Variants in SLC35F3 observed in about 807,000 individuals in gnomAD.
SLC35F3 encodes putative thiamine transporter SLC35F3.
Under a neutral mutation model 49.9 loss-of-function variants are expected in SLC35F3, and 25 were observed. That is an observed-to-expected ratio of 0.50 (90% CI 0.37 to 0.70). The LOEUF is 0.70. SLC35F3 is among the 30% of genes least tolerant of loss of function. The pLI, the probability that SLC35F3 is intolerant of heterozygous loss-of-function variation, is 0.00. For synonymous variants in SLC35F3, 275 were observed against 265.4 expected (o/e 1.04, Z -0.35); for missense variants, 525 against 639.8 (o/e 0.82, Z 1.94).
intron 2 of SLC35F3, among the ~76,000 whole-genome samples, chr1:234,167,910 TG>T (rs1005163882): frequency 6.6e-6 from 1 of 152,234 alleles, no homozygotes; most frequent in African/African-American, 2.4e-5. Flanking sequence ...GCGCACTTTC[TG>T]GAATAAGCGA....
At chr1:234,281,394 G>T (rs1474157308) in intron 3 of SLC35F3, among the ~76,000 whole-genome samples, 1 of 152,164 alleles carries the variant, frequency 6.6e-6, no homozygotes, top group Non-Finnish European at 1.5e-5. Context: ...TAAGCCCCCA[G>T]TCTGTGGTGC....
intron 2 of SLC35F3, among the ~76,000 whole-genome samples, chr1:234,229,927 T>C (rs760258724): frequency 8.5e-5 from 13 of 152,176 alleles, no homozygotes; most frequent in South Asian, 2.1e-4. Flanking sequence ...AGGCTGGAAA[T>C]CAATCTTCCT....
intron 2 of SLC35F3, among the ~76,000 whole-genome samples, chr1:233,950,693 G>A (rs1662592360): frequency 6.6e-6 from 1 of 151,878 alleles, no homozygotes; most frequent in Non-Finnish European, 1.5e-5. Flanking sequence ...GAGAGACTAG[G>A]AAAAAAATCT....
At chr1:234,262,694 G>GCTGCAA (rs1228281992) in intron 3 of SLC35F3, among the ~76,000 whole-genome samples, 1 of 152,182 alleles carries the variant, frequency 6.6e-6, no homozygotes, top group African/African-American at 2.4e-5. Context: ...TAAGCTGCAA[G>GCTGCAA]CTGCAACAGC....
chr1:234,311,374 G>T (rs1657350526), intron 4 of SLC35F3, among the ~76,000 whole-genome samples: 1 of 152,192 alleles, frequency 6.6e-6, no homozygotes, highest in Admixed American at 6.5e-5. Flanking sequence ...CTCAGACCTG[G>T]GTTGGCTGGC....
chr1:234,028,640 T>C (rs1664012833), intron 2 of SLC35F3, among the ~76,000 whole-genome samples: 1 of 152,206 alleles, frequency 6.6e-6, no homozygotes, highest in East Asian at 1.9e-4. Flanking sequence ...GTTTATGTGT[T>C]GACGGGAAAG....
At chr1:234,309,887 A>G (rs1312887674) in intron 4 of SLC35F3, among the ~76,000 whole-genome samples, 3 of 152,162 alleles carry the variant, frequency 2.0e-5, no homozygotes, top group African/African-American at 7.2e-5. Context: ...CCTTCTAACC[A>G]ATGACGAAGG....
At chr1:234,212,557 C>T (rs552460505) in intron 2 of SLC35F3, 2 of 152,294 alleles carry the variant, frequency 1.3e-5, no homozygotes, top group Admixed American at 6.5e-5. Flanking sequence ...GCGACATTAT[C>T]CTCTCAGCCT....
chr1:234,245,131 C>T (rs1667611636), intron 3 of SLC35F3, among the ~76,000 whole-genome samples: 1 of 152,194 alleles, frequency 6.6e-6, no homozygotes, highest in East Asian at 1.9e-4. Flanking sequence ...CCACCACCTA[C>T]CTTTCCCAGT....
chr1:234,082,484 T>C (rs968184982), intron 2 of SLC35F3, among the ~76,000 whole-genome samples: 1 of 152,222 alleles, frequency 6.6e-6, no homozygotes, highest in African/African-American at 2.4e-5. Context: ...ATTCCCAAAG[T>C]TGCTGCCTTG....
chr1:234,041,578 C>T (rs1340881766), intron 2 of SLC35F3, among the ~76,000 whole-genome samples: 1 of 152,058 alleles, frequency 6.6e-6, no homozygotes, highest in Non-Finnish European at 1.5e-5. Context: ...CACACTCACA[C>T]ACACCTGTGG....
chr1:234,149,135 A>T (rs964875385), intron 2 of SLC35F3, among the ~76,000 whole-genome samples: 16 of 152,160 alleles, frequency 1.1e-4, no homozygotes, highest in African/African-American at 3.9e-4. Context: ...CAATGACGGA[A>T]TCTGTGTGGA....
intron 2 of SLC35F3, among the ~76,000 whole-genome samples, chr1:234,015,479 G>A (rs1222529932): frequency 6.6e-6 from 1 of 152,040 alleles, no homozygotes; most frequent in African/African-American, 2.4e-5. Context: ...TTATGGAACA[G>A]AATAGAGAGC....
At chr1:234,110,731 AT>A (rs58476451) in intron 2 of SLC35F3, among the ~76,000 whole-genome samples, 21,154 of 152,232 alleles carry the variant, frequency 0.14, 3,208 homozygotes, top group East Asian at 0.81. Flanking sequence ...GGGAATGTAA[AT>A]TTGGAAGGGT....
At chr1:234,181,338 G>GAAAAAAAAAAAAAAAAAAA (rs34757532) in intron 2 of SLC35F3, among the ~76,000 whole-genome samples, 7 of 97,302 alleles carry the variant, frequency 7.2e-5, no homozygotes, top group Admixed American at 2.1e-4. Flanking sequence ...TCTGTCTCAA[G>GAAAAAAAAAAAAAAAAAAA]AAAAAAAAAA....
chr1:234,143,128 C>T (rs1342774845), intron 2 of SLC35F3, among the ~76,000 whole-genome samples: 1 of 152,094 alleles, frequency 6.6e-6, no homozygotes, highest in Non-Finnish European at 1.5e-5. Flanking sequence ...TCATGCTGTA[C>T]TTTAGACCTC....
In SLC35F3 at chr1:233,950,092, A is replaced by G. The variant is rs189286266; in HGVS notation, c.283+44334A>G. Among the ~76,000 whole-genome samples the G allele has an allele frequency of 1.3e-3, 198 of 152,208 alleles. 4 individuals are homozygous for G. In the East Asian group the frequency reaches 0.026, roughly 20 times the overall value. ...ACAGCCTTCTATTTCCATTGTATTG[A>G]TTGGTTCTCAAAGAGAACACTCTCT... On this transcript the variant is annotated intron_variant, in intron 2 of 7. Coordinates refer to ENST00000366618, the MANE Select transcript of SLC35F3 (RefSeq NM_173508.4).
At chr1:234,131,755 G>T (rs764758966) in intron 2 of SLC35F3, among the ~76,000 whole-genome samples, 1 of 152,140 alleles carries the variant, frequency 6.6e-6, no homozygotes, top group African/African-American at 2.4e-5. Flanking sequence ...AGTCTGGAGG[G>T]GAGTAGCTTT....
intron 3 of SLC35F3, among the ~76,000 whole-genome samples, chr1:234,233,559 G>A (rs889400681): frequency 5.3e-5 from 8 of 152,184 alleles, no homozygotes; most frequent in Admixed American, 1.3e-4. Flanking sequence ...GCTGAAAACC[G>A]CACAGATGGA....
Sources: gnomAD v4.1 joint callset for allele counts (sites outside exome capture counted in the v4.1 genomes callset) on GRCh38, gnomAD v4.1.1 for gene constraint, MANE v1.5 for transcripts, NCBI Gene and HGNC (gene_info 2026-07-23, HGNC 2026-07-21) for gene names.